DENND5A: variants seen among roughly 807,000 people sequenced by gnomAD.
DENND5A encodes the protein DENN domain-containing protein 5A.
DENND5A carries 64 observed loss-of-function variants against 140.3 expected under a neutral mutation model. The observed-to-expected ratio is 0.46, with a 90% CI of 0.37 to 0.56. The LOEUF (loss-of-function observed/expected upper bound fraction) is 0.56, where lower values mean the gene tolerates loss of function less well. Among genes scored for constraint, DENND5A ranks in the 20% least tolerant of loss-of-function variants. DENND5A has a pLI of 0.00. For missense variants in DENND5A, 1,292 were observed against 1,593.8 expected, an observed-to-expected ratio of 0.81 and a Z score of 3.22; for synonymous variants, 605 against 607.7, an observed-to-expected ratio of 1.00 and a Z score of 0.07.
At chr11:9,156,878 A>T (rs780077046) in intron 12 of DENND5A, among the ~76,000 whole-genome samples, 1,182 of 105,606 alleles carry the variant, frequency 0.011, 7 homozygotes, top group African/African-American at 0.013. Flanking sequence ...GATGGAAGGA[A>T]GGAAGGAAGG....
At chr11:9,254,158 G>GAAA (rs10718465) in intron 1 of DENND5A, among the ~76,000 whole-genome samples, 5 of 91,850 alleles carry the variant, frequency 5.4e-5, no homozygotes, top group East Asian at 7.0e-4. Flanking sequence ...CTCTGTCTCA[G>GAAA]AAAAAAAAAA....
rs182506810 is a variant in DENND5A at position 9,138,919 on chromosome 11, T to C, written c.*752A>G. The C allele has an allele frequency of 1.7e-4, 26 of 152,334 alleles. No individual in the cohort carries two copies. The South Asian group carries it at 3.5e-3, about 21-fold the overall frequency. The allele number at this position is 152,334 out of a possible 1,614,324, so 9.4% of individuals were successfully genotyped here. A position where few individuals can be genotyped will look rare whatever the true frequency, so the allele number is the denominator to read the frequency against. ...AATAATAATAACATAGCCAGTTAGA[T>C]TGTGACAAGCTTTTCCTTTCCTTAA... On this transcript the variant is annotated 3_prime_UTR_variant, in exon 23 of 23. Transcript: ENST00000328194.
Position 9,150,061 on chromosome 11 carries a change from T to C in DENND5A, c.2735+20A>G, listed in dbSNP as rs1847561602. On this transcript the variant is annotated intron_variant, in intron 15 of 22. Transcript: ENST00000328194. ...TCCATTCCTGGGAGCCTGCTTCTAC[T>C]CCTGGCGGAGCAGCCTTACTTGGTG... 10 of 1,601,708 alleles carry C rather than the reference T, an allele frequency of 6.2e-6. No individual in the cohort carries two copies. The South Asian group carries it at 1.0e-4, about 16-fold the overall frequency.
intron 8 of DENND5A, among the ~76,000 whole-genome samples, chr11:9,173,478 C>T (rs1848441683): frequency 1.3e-5 from 2 of 152,280 alleles, no homozygotes; most frequent in South Asian, 4.1e-4. Flanking sequence ...GACAATAGCA[C>T]GTCGGCTAGG....
At chr11:9,169,426 A>G (rs952425910) in intron 10 of DENND5A, among the ~76,000 whole-genome samples, 2 of 152,108 alleles carry the variant, frequency 1.3e-5, no homozygotes, top group Non-Finnish European at 2.9e-5. Context: ...AGCCTGGGCG[A>G]TAAAAGCGAG....
intron 1 of DENND5A, among the ~76,000 whole-genome samples, chr11:9,232,738 A>AAAGCCAT (rs1454941055): frequency 6.6e-6 from 1 of 152,140 alleles, no homozygotes; most frequent in African/African-American, 2.4e-5. Flanking sequence ...CAACAGACCA[A>AAAGCCAT]AAGCCATGTT....
chr11:9,246,119 C>A (rs1281521342), intron 1 of DENND5A, among the ~76,000 whole-genome samples: 1 of 152,118 alleles, frequency 6.6e-6, no homozygotes. Flanking sequence ...AAAATTCCAG[C>A]GCCCTAGCTA....
intron 4 of DENND5A, among the ~76,000 whole-genome samples, chr11:9,195,341 G>T (rs1035616796): frequency 6.6e-6 from 1 of 152,152 alleles, no homozygotes; most frequent in African/African-American, 2.4e-5. Flanking sequence ...CTCCCAAAGT[G>T]CTGGGATTAC....
At chr11:9,221,856 C>T (rs955479601) in intron 1 of DENND5A, among the ~76,000 whole-genome samples, 1 of 152,084 alleles carries the variant, frequency 6.6e-6, no homozygotes, top group African/African-American at 2.4e-5. Context: ...CTCCCAGGTT[C>T]AAGTAATTCT....
At chr11:9,162,268 C>T (rs1461592592) in intron 11 of DENND5A, among the ~76,000 whole-genome samples, 4 of 93,510 alleles carry the variant, frequency 4.3e-5, no homozygotes, top group Non-Finnish European at 6.0e-5. Flanking sequence ...GATGGAGTTT[C>T]GCTCTTGTTG....
In DENND5A at chr11:9,167,487, A is replaced by G. The variant is rs985488422; in HGVS notation, c.2152-1520T>C. On this transcript the variant is annotated intron_variant, in intron 10 of 22. Coordinates refer to ENST00000328194, the MANE Select transcript of DENND5A (RefSeq NM_015213.4). Reference sequence around the variant, plus strand: ...GGAGATGAAAGATTAAAAAAAAAAAAAAAAAGAAAAAGAAAAACAGCCAGG... The same window carrying G: ...GGAGATGAAAGATTAAAAAAAAAAAGAAAAAGAAAAAGAAAAACAGCCAGG... Among the ~76,000 whole-genome samples, 20 of 151,404 alleles carry G rather than the reference A, an allele frequency of 1.3e-4. 1 individual carries two copies. The highest frequency in any genetic ancestry group is 6.3e-4 in the South Asian group (3 of 4,782).
intron 1 of DENND5A, among the ~76,000 whole-genome samples, chr11:9,227,409 T>C (rs1477696536): frequency 6.6e-6 from 1 of 152,084 alleles, no homozygotes; most frequent in Non-Finnish European, 1.5e-5. Flanking sequence ...AATTTATAAT[T>C]AAAAACCAGT....
chr11:9,220,700 C>T (rs984235661), intron 1 of DENND5A, among the ~76,000 whole-genome samples: 3 of 151,926 alleles, frequency 2.0e-5, no homozygotes, highest in Admixed American at 6.6e-5. Flanking sequence ...CCAGACCAGC[C>T]TGGCTAACAT....
chr11:9,259,241 C>A (rs1852085523), intron 1 of DENND5A, among the ~76,000 whole-genome samples: 1 of 151,364 alleles, frequency 6.6e-6, no homozygotes, highest in South Asian at 2.1e-4. Flanking sequence ...GCCTGGGCAA[C>A]AACAGCAAAA....
intron 11 of DENND5A, among the ~76,000 whole-genome samples, chr11:9,163,024 G>A (rs78901939): frequency 0.019 from 2,882 of 152,052 alleles, 207 homozygotes; most frequent in Admixed American, 0.13. Context: ...TTTTTCACTC[G>A]TTTATATTTG....
At chr11:9,178,477 A>G in intron 7 of DENND5A, 111 bp from the exon 8 acceptor site, 2 of 672,700 alleles carry the variant, frequency 3.0e-6, no homozygotes, top group East Asian at 2.7e-5. Flanking sequence ...CTTTAAGAAT[A>G]CCAAGCTGCA....
At position 9,165,856 on chromosome 11, in the gene DENND5A, G is replaced by A; in HGVS notation, c.2263C>T (p.Leu755=). 1 of 1,614,106 alleles carries A rather than the reference G, an allele frequency of 6.2e-7. No homozygotes were observed. Among genetic ancestry groups the A allele is most frequent in the African/African-American group, 1.3e-5 (1 of 75,056 alleles). The change falls in exon 11 of 23, where the codon CTG becomes TTG. Residue 755 remains leucine (L), a synonymous_variant. Coordinates refer to ENST00000328194, the MANE Select transcript of DENND5A (RefSeq NM_015213.4). The stretch of plus-strand genomic sequence containing the variant: ...CTTACCTTATTGCGGCATTCCTTCA[G>A]CAGGCCCTCTACAAACTTCCAATTG... ...QTNWKFVEGL[L]KECRNKTKRM... is the part of the protein sequence containing the mutation.
chr11:9,139,397 T>C lies in DENND5A; in HGVS notation c.*274A>G, dbSNP rs982709613. 12 of 422,648 alleles carry C rather than the reference T, an allele frequency of 2.8e-5. No homozygotes were observed. Among genetic ancestry groups the C allele is most frequent in the African/African-American group, 2.0e-4 (10 of 50,306 alleles). The allele number at this position is 422,648 out of a possible 1,614,324, so 26.2% of individuals were successfully genotyped here. A position where few individuals can be genotyped will look rare whatever the true frequency, so the allele number is the denominator to read the frequency against. ...AGGGAGGCCTCAGGCTTCCAGCATG[T>C]GGCCACGGCGAGGGAGGGCACCAGC... On this transcript the variant is annotated 3_prime_UTR_variant, in exon 23 of 23. Transcript: ENST00000328194.
chr11:9,169,943 C>T lies in DENND5A; in HGVS notation c.2064G>A (p.Thr688=), dbSNP rs766722276. The T allele has an allele frequency of 3.7e-6, 6 of 1,611,832 alleles. No homozygotes were observed. Among genetic ancestry groups the T allele is most frequent in the Non-Finnish European group, 5.1e-6 (6 of 1,178,114 alleles). ...LSTGPASNKW[T]KRNAPAQWRR... ...TCCACTGGGCAGGGGCATTCCTTTT[C>T]GTCCACCTAACACAATCAGAACCAA... Residue 688 remains threonine, a synonymous_variant, in exon 10 of 23, where the codon ACG becomes ACA. Transcript: ENST00000328194.
Sources: allele counts gnomAD v4.1 joint callset (sites outside exome capture counted in the v4.1 genomes callset), GRCh38; gene constraint gnomAD v4.1.1; transcripts MANE v1.5; gene names NCBI Gene and HGNC (gene_info 2026-07-23, HGNC 2026-07-21).